Variants in LOXHD1 observed in about 807,000 individuals in gnomAD.
LOXHD1 encodes lipoxygenase homology PLAT domains 1, also known as lipoxygenase homology domain-containing protein 1.
In LOXHD1, 205 loss-of-function variants were observed where a neutral mutation model predicts 248.2. The observed-to-expected ratio is 0.83, with a 90% confidence interval of 0.74 to 0.93. The LOEUF is 0.93. LOXHD1 is among the 40% of genes least tolerant of loss of function. The pLI is 0.00. For missense variants in LOXHD1, 2,930 were observed against 2,971.6 expected, an observed-to-expected ratio of 0.99 and a Z score of 0.33; for synonymous variants, 1,113 against 1,162.8, an observed-to-expected ratio of 0.96 and a Z score of 0.87.
At chr18:46,484,977 C>CG in intron 39 of LOXHD1, 42 bp downstream of exon 39, 1 of 1,541,660 alleles carries the variant, frequency 6.5e-7, no homozygotes. Flanking sequence ...CCTCCCTTAC[C>CG]TACCCACCCC....
chr18:46,500,704 T>C lies in LOXHD1; in HGVS notation c.5878+5134A>G, dbSNP rs938268786. ...AATATTATGCATGGCCTGGTTCCTA[T>C]CTATATTGTAGCTTCCACCCCTATT... On this transcript the variant is annotated intron_variant, in intron 37 of 40. Transcript: ENST00000642948. Among the ~76,000 whole-genome samples the C allele has an allele frequency of 3.9e-5, 6 of 152,184 alleles. No individual in the cohort carries two copies. In the South Asian group the frequency reaches 1.0e-3, roughly 26 times the overall value.
Position 46,572,146 on chromosome 18 carries a change from T to C in LOXHD1, c.1987A>G (p.Lys663Glu). The C allele has an allele frequency of 6.4e-7, 1 of 1,551,872 alleles. No individual in the cohort carries two copies. The highest frequency in any genetic ancestry group is 1.2e-5 in the South Asian group (1 of 84,054). The change falls in exon 15 of 41, where the codon AAG becomes GAG. Residue 663 changes from lysine (K) to glutamate (E), a missense_variant. By Grantham distance (56) the Lys-to-Glu change is moderately conservative. Transcript: ENST00000642948. ...TCTCGGACCAGCTGCCCATCATCCT[T>C]ATCCTTGTCCAACCACCTGGTGGGC... is the stretch of plus-strand genomic sequence containing the variant. ...FPCLRWLDKD[K>E]DDGQLVRELL...
intron 2 of LOXHD1, among the ~76,000 whole-genome samples, chr18:46,644,939 C>T (rs568879086): frequency 7.9e-5 from 12 of 152,290 alleles, no homozygotes; most frequent in East Asian, 1.9e-4. Flanking sequence ...GAGTGCTCCA[C>T]GCTGTCTCAG....
chr18:46,588,338 G>A (rs1210602736), intron 12 of LOXHD1, among the ~76,000 whole-genome samples: 1 of 152,060 alleles, frequency 6.6e-6, no homozygotes, highest in African/African-American at 2.4e-5. Context: ...ACAACAGACA[G>A]CCCTTCAATC....
Position 46,514,322 on chromosome 18 carries a change from C to A in LOXHD1, c.5399+3807G>T, listed in dbSNP as rs561919829. On this transcript the variant is annotated intron_variant, in intron 34 of 40. Transcript: ENST00000642948. ...TGACTCGGGTGCCCCTGGATGGCAG[C>A]AGTTCCTGGAACTCAGCTTTCCTTC... Among the ~76,000 whole-genome samples, 7 of 152,252 alleles carry A rather than the reference C, an allele frequency of 4.6e-5. 1 individual carries two copies. The East Asian group carries it at 1.4e-3, about 29-fold the overall frequency.
At chr18:46,586,609 C>T (rs2066255550) in intron 12 of LOXHD1, among the ~76,000 whole-genome samples, 1 of 66,448 alleles carries the variant, frequency 1.5e-5, no homozygotes, top group South Asian at 5.6e-4. Flanking sequence ...CCATGCCTGG[C>T]TAATTTTTTT....
chr18:46,567,364 C>G (rs1172352637), intron 16 of LOXHD1, among the ~76,000 whole-genome samples: 1 of 152,242 alleles, frequency 6.6e-6, no homozygotes, highest in Non-Finnish European at 1.5e-5. Flanking sequence ...TCCTAAGTGC[C>G]TCTTTGCAGC....
At chr18:46,544,817 T>A (rs905981871) in intron 23 of LOXHD1, 20 of 471,346 alleles carry the variant, frequency 4.2e-5, no homozygotes, top group African/African-American at 4.0e-4. Context: ...TATTCTTCAA[T>A]AATGCTTGGC....
chr18:46,571,961 T>C, intron 15 of LOXHD1, 125 bp downstream of exon 15: 1 of 806,110 alleles, frequency 1.2e-6, no homozygotes, highest in South Asian at 1.7e-5. Context: ...AGCCTCCCTC[T>C]CCTCCCTCCC....
At chr18:46,585,989 C>A (rs2038051964) in intron 12 of LOXHD1, among the ~76,000 whole-genome samples, 1 of 151,984 alleles carries the variant, frequency 6.6e-6, no homozygotes, top group Non-Finnish European at 1.5e-5. Context: ...ATTTACATAA[C>A]CAAAAAGTAG....
chr18:46,584,956 CA>C (rs1568201732), intron 12 of LOXHD1, among the ~76,000 whole-genome samples: 1 of 151,798 alleles, frequency 6.6e-6, no homozygotes, highest in Non-Finnish European at 1.5e-5. Flanking sequence ...GAATAAAAAG[CA>C]AAAATCACAT....
At chr18:46,643,925 A>G (rs532271181) in intron 2 of LOXHD1, among the ~76,000 whole-genome samples, 2 of 152,378 alleles carry the variant, frequency 1.3e-5, no homozygotes, top group African/African-American at 4.8e-5. Flanking sequence ...GAATGTACAA[A>G]CAGAATAATC....
Position 46,593,452 on chromosome 18 carries a change from C to T in LOXHD1, c.1431+148G>A, listed in dbSNP as rs2038208215. On this transcript the variant is annotated intron_variant, in intron 10 of 40. Transcript: ENST00000642948. ...ATTGCTTACAAATCATCAAATTTGT[C>T]TCCCTTTGCAGGGACCTAAAATCTC... The T allele has an allele frequency of 3.9e-6, 3 of 779,046 alleles. No homozygotes were observed. The East Asian group carries it at 8.1e-5, about 21-fold the overall frequency. The allele number at this position is 779,046 out of a possible 1,614,324, so 48.3% of individuals were successfully genotyped here.
At chr18:46,483,330 T>A (rs1479156835) in intron 40 of LOXHD1, among the ~76,000 whole-genome samples, 1 of 152,140 alleles carries the variant, frequency 6.6e-6, no homozygotes, top group Non-Finnish European at 1.5e-5. Flanking sequence ...CAAGGAAGCA[T>A]CCCTGGATCC....
At chr18:46,639,103 C>T (rs2038929849) in intron 4 of LOXHD1, among the ~76,000 whole-genome samples, 1 of 152,132 alleles carries the variant, frequency 6.6e-6, no homozygotes, top group Non-Finnish European at 1.5e-5. Context: ...AAGGCCTTTG[C>T]CCAGAGATGT....
intron 5 of LOXHD1, among the ~76,000 whole-genome samples, chr18:46,611,894 A>G (rs1023044600): frequency 4.6e-5 from 7 of 152,144 alleles, no homozygotes; most frequent in Admixed American, 4.6e-4. Flanking sequence ...TTTTGTTTGC[A>G]TATATATGTA....
chr18:46,639,464 G>A (rs2038935100), intron 4 of LOXHD1, among the ~76,000 whole-genome samples, 152 bp downstream of exon 4: 2 of 152,222 alleles, frequency 1.3e-5, no homozygotes, highest in Admixed American at 1.3e-4. Context: ...AAGATATGGG[G>A]CTTCCCCTTG....
Position 46,538,284 on chromosome 18 carries a change from C to T in LOXHD1, c.3967G>A (p.Asp1323Asn). The T allele has an allele frequency of 6.4e-7, 1 of 1,551,572 alleles. No individual in the cohort carries two copies. The highest frequency in any genetic ancestry group is 8.7e-7 in the Non-Finnish European group (1 of 1,146,844). ...YTSDVFAAGT[D>N]ANIFIIIYGC... ...TAGATGATGATGAAGATGTTGGCAT[C>T]TGTCCCAGCAGCAAAGACATCACTG... is the stretch of plus-strand genomic sequence containing the variant. The change falls in exon 26 of 41, where the codon GAT becomes AAT. Residue 1323 changes from aspartate (D) to asparagine (N), a missense_variant. Transcript: ENST00000642948.
At chr18:46,619,702 G>A (rs1353350453) in intron 4 of LOXHD1, among the ~76,000 whole-genome samples, 1 of 152,164 alleles carries the variant, frequency 6.6e-6, no homozygotes, top group Admixed American at 6.5e-5. Context: ...GAGGTGACAC[G>A]GTGCAGGATC....
Sources: gnomAD v4.1 joint callset for allele counts (sites outside exome capture counted in the v4.1 genomes callset) on GRCh38, gnomAD v4.1.1 for gene constraint, MANE v1.5 for transcripts, NCBI Gene and HGNC (gene_info 2026-07-23, HGNC 2026-07-21) for gene names.